VSIG10: variants seen among roughly 807,000 people sequenced by gnomAD.
The protein encoded by VSIG10 is V-set and immunoglobulin domain containing 10, also known as V-set and immunoglobulin domain-containing protein 10.
In VSIG10, 48 loss-of-function variants were observed where a neutral mutation model predicts 58.7. The observed-to-expected ratio is 0.82, with a 90% CI of 0.65 to 1.04. The LOEUF (loss-of-function observed/expected upper bound fraction) is 1.04, where lower values mean the gene tolerates loss of function less well. Ranked by LOEUF, VSIG10 falls within the 50% of genes least tolerant of loss-of-function variation. The probability of loss-of-function intolerance (pLI) is 0.00; values close to 1 mark genes in which losing one functional copy is unlikely to be tolerated. For synonymous variants in VSIG10, 260 were observed against 267.1 expected, an observed-to-expected ratio of 0.97 and a Z score of 0.26; for missense variants, 628 against 670.0, an observed-to-expected ratio of 0.94 and a Z score of 0.69.
In VSIG10 at chr12:118,083,733, C is replaced by G. The variant is rs188629282; in HGVS notation, c.362-1304G>C. ...ATTTTGCCATGTTGCCCAGGCTGGT[C>G]TTGGACTCCCAGGTTCAAATGATCC... On this transcript the variant is annotated intron_variant, in intron 2 of 8. Coordinates refer to ENST00000359236, the MANE Select transcript of VSIG10 (RefSeq NM_019086.6). Among the ~76,000 whole-genome samples the G allele has an allele frequency of 4.6e-3, 702 of 152,164 alleles. 10 individuals are homozygous for G. Among genetic ancestry groups the G allele is most frequent in the Middle Eastern group, 0.01 (3 of 294 alleles).
chr12:118,086,728 C>T (rs1397442609), intron 2 of VSIG10, among the ~76,000 whole-genome samples: 1 of 152,094 alleles, frequency 6.6e-6, no homozygotes, highest in East Asian at 1.9e-4. Flanking sequence ...GGCCCTGTCT[C>T]TGCAAAAATA....
At position 118,083,821 on chromosome 12, in the gene VSIG10, A is replaced by T. The variant is rs11068816; in HGVS notation, c.362-1392T>A. The stretch of plus-strand genomic sequence containing the variant: ...GTGAGCCACCACACCTGGCCAAAAA[A>T]ATTTTTTAAAGTTTTGCTGGCCAGG... On this transcript the variant is annotated intron_variant, in intron 2 of 8. Transcript: ENST00000359236. 4.6e-5 allele frequency among the ~76,000 whole-genome samples: 7 copies of T among 151,822 alleles called. No individual in the cohort carries two copies. In the South Asian group the frequency reaches 6.3e-4, roughly 14 times the overall value.
chr12:118,087,855 A>AAAAAAAAAAAGAG (rs766337791), intron 2 of VSIG10, among the ~76,000 whole-genome samples: 12,472 of 128,618 alleles, frequency 0.097, 1,302 homozygotes, highest in Non-Finnish European at 0.16. Context: ...AAAAAAAAAA[A>AAAAAAAAAAAGAG]AGAGAGAGAA....
Position 118,064,662 on chromosome 12 carries a change from A to G in VSIG10, c.*1977T>C, listed in dbSNP as rs8239. ...AGTACGTGGGGTACCTTGCAGCAAA[A>G]GACAAAAAGCAAAAAGCCAGTAGAC... On this transcript the variant is annotated 3_prime_UTR_variant, in exon 9 of 9. Coordinates refer to ENST00000359236, the MANE Select transcript of VSIG10 (RefSeq NM_019086.6). 32,533 of 152,014 alleles carry G rather than the reference A, an allele frequency of 0.21. 4,018 individuals are homozygous for G. The highest frequency in any genetic ancestry group is 0.53 in the East Asian group (2,718 of 5,158). 9.4% of individuals were successfully genotyped at this position (152,014 alleles called of 1,614,324 possible).
chr12:118,092,256 G>T (rs890410066), intron 2 of VSIG10, among the ~76,000 whole-genome samples: 11 of 152,020 alleles, frequency 7.2e-5, no homozygotes, highest in Non-Finnish European at 1.5e-4. Flanking sequence ...GTAGAGATGG[G>T]GTCTCACTAC....
At position 118,082,308 on chromosome 12, in the gene VSIG10, G is replaced by A. The variant is rs1166149019; in HGVS notation, c.483C>T (p.Pro161=). The A allele has an allele frequency of 3.1e-6, 5 of 1,613,988 alleles. No individual in the cohort carries two copies. The highest frequency in any genetic ancestry group is 1.7e-5 in the Admixed American group (1 of 60,004). ...FSCNSSSRPP[P]VVEWWFQALN... ...GGGCCTGGAACCACCATTCAACCAC[G>A]GGTGGTGGCCTGGAGCTGCTGTTGC... is the stretch of plus-strand genomic sequence containing the variant. Residue 161 remains proline, a synonymous_variant, in exon 3 of 9, where the codon CCC becomes CCT. Transcript: ENST00000359236.
Position 118,070,930 on chromosome 12 carries a change from C to T in VSIG10, c.1346+122G>A, listed in dbSNP as rs1470554619. 4 of 1,183,156 alleles carry T rather than the reference C, an allele frequency of 3.4e-6. No individual in the cohort carries two copies. The Admixed American group carries it at 7.9e-5, about 23-fold the overall frequency. 73.3% of individuals were successfully genotyped at this position (1,183,156 alleles called of 1,614,324 possible). A position where few individuals can be genotyped will look rare whatever the true frequency, so the allele number is the denominator to read the frequency against. On this transcript the variant is annotated intron_variant, in intron 7 of 8. Transcript: ENST00000359236. ...CCTGATGAAATCCCTAGGCCAGTGT[C>T]TAGCACATCGTAGGTCCTCAATGGT... is the stretch of plus-strand genomic sequence containing the variant.
intron 4 of VSIG10, among the ~76,000 whole-genome samples, chr12:118,075,579 C>T (rs766536597): frequency 3.9e-5 from 6 of 152,018 alleles, no homozygotes; most frequent in Non-Finnish European, 8.8e-5. Flanking sequence ...TGGTCTTGAA[C>T]TCCTGACCTC....
intron 1 of VSIG10, among the ~76,000 whole-genome samples, chr12:118,098,118 TGGC>T (rs879673533): frequency 0.021 from 3,209 of 152,216 alleles, 49 homozygotes; most frequent in Middle Eastern, 0.058. Context: ...AGCATTACTG[TGGC>T]GATCAATAAT....
chr12:118,092,802 G>C (rs951421200), intron 2 of VSIG10, among the ~76,000 whole-genome samples: 1 of 151,434 alleles, frequency 6.6e-6, no homozygotes, highest in Admixed American at 6.6e-5. Flanking sequence ...CACCCAGCTA[G>C]TTTTTTCACT....
chr12:118,066,989 GCTT>G (rs1366821468), intron 8 of VSIG10, among the ~76,000 whole-genome samples: 1 of 151,972 alleles, frequency 6.6e-6, no homozygotes, highest in Non-Finnish European at 1.5e-5. Flanking sequence ...TTAACGCCTT[GCTT>G]CATGTCTACC....
chr12:118,101,037 G>C (rs545824639), intron 1 of VSIG10, among the ~76,000 whole-genome samples: 1 of 152,214 alleles, frequency 6.6e-6, no homozygotes, highest in East Asian at 1.9e-4. Context: ...TGGAACTTGA[G>C]CTAACATTGT....
chr12:118,091,095 A>G (rs1219306787), intron 2 of VSIG10, among the ~76,000 whole-genome samples: 1 of 151,816 alleles, frequency 6.6e-6, no homozygotes. Context: ...AGGTGGCGCC[A>G]CTGTATTCCA....
intron 2 of VSIG10, among the ~76,000 whole-genome samples, chr12:118,093,557 G>A (rs1416595238): frequency 6.6e-6 from 1 of 151,962 alleles, no homozygotes; most frequent in Non-Finnish European, 1.5e-5. Flanking sequence ...GACTGTTTTA[G>A]GAAAGTGCAA....
Position 118,073,865 on chromosome 12 carries a change from G to A in VSIG10, c.1053C>T (p.Pro351=), listed in dbSNP as rs569997181. The stretch of plus-strand genomic sequence containing the variant: ...GGCTGCTAGGCTGGATGATCACCTC[G>A]GGCTGGGTAAGGTTCCTCAGCCACA... ...KILWLRNLTQ[P]EVIIQPSSRH... The change falls in exon 5 of 9, where the codon CCC becomes CCT. Residue 351 remains proline, a synonymous_variant. Transcript: ENST00000359236. 26 of 1,532,830 alleles carry A rather than the reference G, an allele frequency of 1.7e-5. No individual in the cohort carries two copies. Among genetic ancestry groups the A allele is most frequent in the Middle Eastern group, 1.7e-4 (1 of 6,046 alleles). 95.0% of individuals were successfully genotyped at this position (1,532,830 alleles called of 1,614,324 possible). A position where few individuals can be genotyped will look rare whatever the true frequency, so the allele number is the denominator to read the frequency against.
intron 7 of VSIG10, chr12:118,070,805 G>A (rs1407554284): frequency 8.8e-6 from 5 of 567,150 alleles, no homozygotes; most frequent in East Asian, 8.7e-5. Context: ...CTTCTGGAAT[G>A]AGCTTGCAGA....
intron 3 of VSIG10, among the ~76,000 whole-genome samples, chr12:118,080,572 T>C (rs1006117244): frequency 1.3e-5 from 2 of 152,132 alleles, no homozygotes; most frequent in African/African-American, 4.8e-5. Flanking sequence ...TTCATAACAG[T>C]GCTAGAGGGC....
chr12:118,066,632 CTCT>C lies in VSIG10; in HGVS notation c.*4_*6del. The stretch of plus-strand genomic sequence containing the variant: ...CAGAGCAAGACAACCATGGACCATC[CTCT>C]TCTTCAGACTGGCCTGTCTTCTTCT... On this transcript the variant is annotated 3_prime_UTR_variant, in exon 9 of 9. Coordinates refer to ENST00000359236, the MANE Select transcript of VSIG10 (RefSeq NM_019086.6). 6.2e-7 allele frequency: 1 copy of C among 1,613,756 alleles called. No individual in the cohort carries two copies. Among genetic ancestry groups the C allele is most frequent in the Non-Finnish European group, 8.5e-7 (1 of 1,179,802 alleles).
At chr12:118,101,361 T>G (rs2033618788) in intron 1 of VSIG10, among the ~76,000 whole-genome samples, 1 of 152,180 alleles carries the variant, frequency 6.6e-6, no homozygotes, top group Non-Finnish European at 1.5e-5. Context: ...GAAGATTAAG[T>G]TATCACTTAA....
Sources: allele counts gnomAD v4.1 joint callset (sites outside exome capture counted in the v4.1 genomes callset), GRCh38; gene constraint gnomAD v4.1.1; transcripts MANE v1.5; gene names NCBI Gene and HGNC (gene_info 2026-07-23, HGNC 2026-07-21).